The following CCDC3 variants were observed in gnomAD, a reference collection of about 807,000 sequenced individuals.
CCDC3 encodes the protein coiled-coil domain-containing protein 3.
Under a neutral mutation model 21.4 loss-of-function variants are expected in CCDC3, and 24 were observed. The observed-to-expected ratio is 1.12, with a 90% CI of 0.81 to 1.58. The LOEUF (loss-of-function observed/expected upper bound fraction) is 1.58, where lower values mean the gene tolerates loss of function less well. Ranked by LOEUF, CCDC3 falls within the 40% of genes most tolerant of loss-of-function variation. The probability of loss-of-function intolerance (pLI) is 0.00; values close to 1 mark genes in which losing one functional copy is unlikely to be tolerated. For synonymous variants in CCDC3, 186 were observed against 166.0 expected, an observed-to-expected ratio of 1.12 and a Z score of -0.93; for missense variants, 425 against 360.9, an observed-to-expected ratio of 1.18 and a Z score of -1.44.
intron 2 of CCDC3, among the ~76,000 whole-genome samples, chr10:12,918,378 A>C (rs1834391650): frequency 6.6e-6 from 1 of 152,244 alleles, no homozygotes; most frequent in Non-Finnish European, 1.5e-5. Flanking sequence ...CTTTGAATGG[A>C]TCAAACACTA....
chr10:12,901,282 T>C (rs577124222), intron 2 of CCDC3, among the ~76,000 whole-genome samples: 22 of 152,308 alleles, frequency 1.4e-4, no homozygotes, highest in Admixed American at 9.1e-4. Context: ...TTTCTTTTCT[T>C]TTTTTGAGAT....
intron 5 of CCDC3, among the ~76,000 whole-genome samples, chr10:13,020,305 T>A (rs1184686753): frequency 6.6e-6 from 1 of 152,172 alleles, no homozygotes; most frequent in Non-Finnish European, 1.5e-5. Context: ...TCCCATGAAT[T>A]CTAAATTGTC....
intron 2 of CCDC3, among the ~76,000 whole-genome samples, chr10:12,957,956 A>G (rs1358443535): frequency 6.6e-6 from 1 of 151,976 alleles, no homozygotes; most frequent in African/African-American, 2.4e-5. Flanking sequence ...CAGCCTCCCA[A>G]ATAGGTGGAA....
intron 2 of CCDC3, among the ~76,000 whole-genome samples, chr10:12,931,165 C>A (rs146932817): frequency 1.6e-5 from 2 of 127,764 alleles, no homozygotes; most frequent in East Asian, 5.0e-4. Context: ...GAGCTGAGAT[C>A]ATGCCACTGC....
At chr10:12,994,325 G>A (rs1216133003) in intron 2 of CCDC3, among the ~76,000 whole-genome samples, 1 of 151,764 alleles carries the variant, frequency 6.6e-6, no homozygotes, top group African/African-American at 2.4e-5. Context: ...TTGAACCTGG[G>A]AGACAGAGGC....
intron 5 of CCDC3, among the ~76,000 whole-genome samples, chr10:13,036,093 G>A (rs567266288): frequency 1.5e-4 from 23 of 152,176 alleles, no homozygotes; most frequent in Admixed American, 6.5e-4. Flanking sequence ...GCAGTGAGCC[G>A]AGATTGAGCC....
intron 5 of CCDC3, among the ~76,000 whole-genome samples, chr10:13,024,861 G>C (rs1041011179): frequency 6.6e-6 from 1 of 152,120 alleles, no homozygotes; most frequent in Non-Finnish European, 1.5e-5. Flanking sequence ...CATAACTTGG[G>C]TTCTCTTTCC....
At chr10:13,079,370 T>A (rs1307113874) in intron 3 of CCDC3, among the ~76,000 whole-genome samples, 1 of 151,990 alleles carries the variant, frequency 6.6e-6, no homozygotes, top group Admixed American at 6.5e-5. Flanking sequence ...TGACCTGGAG[T>A]AAAGGATCCT....
In CCDC3 at chr10:13,001,655, C is replaced by T. The variant is rs1485840421; in HGVS notation, c.-85G>A. ...GGGAAGGGCAGCCCTGGGCGCTCGG[C>T]TGCTCGGGCCGCTCCCGGGAGCTGA... is the stretch of plus-strand genomic sequence containing the variant. On this transcript the variant is annotated 5_prime_UTR_variant, in exon 1 of 3. Transcript: ENST00000378825. 2.2e-6 allele frequency: 2 copies of T among 916,574 alleles called. No homozygotes were observed. The highest frequency in any genetic ancestry group is 2.7e-6 in the Non-Finnish European group (2 of 754,490). 56.8% of individuals were successfully genotyped at this position (916,574 alleles called of 1,614,324 possible). A position where few individuals can be genotyped will look rare whatever the true frequency, so the allele number is the denominator to read the frequency against.
At chr10:13,093,046 T>TCC (rs532411611) in intron 3 of CCDC3, among the ~76,000 whole-genome samples, 2 of 135,918 alleles carry the variant, frequency 1.5e-5, no homozygotes, top group African/African-American at 5.4e-5. Context: ...TTTTTTTTTT[T>TCC]CAAAAACAAA....
chr10:13,033,934 C>T (rs1456555002), intron 5 of CCDC3, among the ~76,000 whole-genome samples: 10 of 152,172 alleles, frequency 6.6e-5, no homozygotes, highest in Admixed American at 6.5e-4. Context: ...GACAGTGTGG[C>T]TATTCTGCAA....
chr10:12,970,194 T>C (rs1157666455), intron 2 of CCDC3, among the ~76,000 whole-genome samples: 2 of 152,122 alleles, frequency 1.3e-5, no homozygotes, highest in Non-Finnish European at 2.9e-5. Context: ...AGGGGAGATG[T>C]TGGTCACAGA....
chr10:13,030,706 T>C (rs1347150475), intron 5 of CCDC3, among the ~76,000 whole-genome samples: 2 of 151,978 alleles, frequency 1.3e-5, no homozygotes, highest in Non-Finnish European at 2.9e-5. Context: ...TAGTCTCTGA[T>C]AAAAGAGACT....
At chr10:12,954,381 T>C (rs1433509987) in intron 2 of CCDC3, among the ~76,000 whole-genome samples, 1 of 152,240 alleles carries the variant, frequency 6.6e-6, no homozygotes, top group Non-Finnish European at 1.5e-5. Flanking sequence ...CTTTCCATGA[T>C]GTAGATTATC....
intron 2 of CCDC3, among the ~76,000 whole-genome samples, chr10:12,972,262 C>G (rs1835355048): frequency 6.6e-6 from 1 of 152,194 alleles, no homozygotes. Context: ...AACCAAGCAG[C>G]CTCCAGCTTC....
chr10:13,072,870 T>TC (rs1250907348), intron 4 of CCDC3, among the ~76,000 whole-genome samples: 26 of 21,214 alleles, frequency 1.2e-3, no homozygotes, highest in Non-Finnish European at 1.6e-3. Flanking sequence ...TTTCTTTCTT[T>TC]TTTTTTTTTT....
intron 5 of CCDC3, among the ~76,000 whole-genome samples, chr10:13,016,803 C>G (rs1836067934): frequency 6.6e-6 from 1 of 152,060 alleles, no homozygotes; most frequent in African/African-American, 2.4e-5. Context: ...CATTTTTCTT[C>G]CCCTGCACAT....
intron 5 of CCDC3, among the ~76,000 whole-genome samples, chr10:13,030,901 C>CT: frequency 6.6e-6 from 1 of 152,142 alleles, no homozygotes; most frequent in Non-Finnish European, 1.5e-5. Flanking sequence ...TAATGGGAGA[C>CT]TTTAACACCC....
Position 12,909,598 on chromosome 10 carries a change from T to C in CCDC3, c.550-10919A>G, listed in dbSNP as rs572265146. Among the ~76,000 whole-genome samples, 182 of 152,186 alleles carry C rather than the reference T, an allele frequency of 1.2e-3. 1 individual carries two copies. Among genetic ancestry groups the C allele is most frequent in the Non-Finnish European group, 2.1e-3 (142 of 68,026 alleles). ...GCTTACCCCTTGCTCTGTGGACCCC[T>C]GTGCTTAGTGCCGGAAGGGCTCTGA... On this transcript the variant is annotated intron_variant, in intron 2 of 2. Transcript: ENST00000378825.
Sources: gnomAD v4.1 joint callset for allele counts (sites outside exome capture counted in the v4.1 genomes callset) on GRCh38, gnomAD v4.1.1 for gene constraint, MANE v1.5 for transcripts, NCBI Gene and HGNC (gene_info 2026-07-23, HGNC 2026-07-21) for gene names.